The following AGBL4 variants were observed in gnomAD, a reference collection of about 807,000 sequenced individuals.
AGBL4 encodes cytosolic carboxypeptidase 6.
A neutral mutation model predicts 66.4 loss-of-function variants in AGBL4; 58 were observed. That is an observed-to-expected ratio of 0.87 (90% CI 0.71 to 1.09). The LOEUF (loss-of-function observed/expected upper bound fraction) is 1.09. AGBL4 is among the 50% of genes least tolerant of loss of function. AGBL4 has a pLI of 0.00. For missense variants in AGBL4, 579 were observed against 631.0 expected (o/e 0.92, Z 0.88); for synonymous variants, 234 against 222.9 (o/e 1.05, Z -0.44).
intron 1 of AGBL4, among the ~76,000 whole-genome samples, chr1:50,006,413 C>A (rs1239046883): frequency 6.6e-6 from 1 of 151,280 alleles, no homozygotes; most frequent in Non-Finnish European, 1.5e-5. Context: ...GAGGATTTCC[C>A]AAACTCAGAG....
chr1:48,614,093 G>T (rs1424690194), intron 9 of AGBL4, among the ~76,000 whole-genome samples: 2 of 152,170 alleles, frequency 1.3e-5, no homozygotes, highest in Non-Finnish European at 2.9e-5. Context: ...CTGATGAAAA[G>T]AAAACTGGTA....
Position 49,901,345 on chromosome 1 carries a change from T to C in AGBL4, c.35-49827A>G, listed in dbSNP as rs150800085. Reference sequence around the variant, plus strand: ...GTCTGATAAACAACTTCAGCAAAGTTTGAGAATGCAAAAACAATATACAAA... The same window carrying C: ...GTCTGATAAACAACTTCAGCAAAGTCTGAGAATGCAAAAACAATATACAAA... On this transcript the variant is annotated intron_variant, in intron 1 of 13. Transcript: ENST00000371839. 5.8e-4 allele frequency among the ~76,000 whole-genome samples: 88 copies of C among 152,264 alleles called. 1 individual carries two copies. The East Asian group carries it at 0.014, about 24-fold the overall frequency.
intron 9 of AGBL4, among the ~76,000 whole-genome samples, chr1:48,619,740 T>A (rs1420710345): frequency 6.6e-6 from 1 of 152,172 alleles, no homozygotes; most frequent in Non-Finnish European, 1.5e-5. Context: ...GCATAGGTGG[T>A]GCCAGGAGTT....
intron 3 of AGBL4, among the ~76,000 whole-genome samples, chr1:49,529,301 G>A (rs1050251644): frequency 6.6e-6 from 1 of 152,096 alleles, no homozygotes; most frequent in Non-Finnish European, 1.5e-5. Flanking sequence ...AATTTGAAAA[G>A]ACTATTTTAT....
In AGBL4 at chr1:49,923,966, G is replaced by C. The variant is rs559850012; in HGVS notation, c.35-72448C>G. ...ATTCAACCCAGCAATCCCATTACTAGAGTATATACCCAAACGAATATAAAT... is the reference window on the plus strand; with the variant it reads ...ATTCAACCCAGCAATCCCATTACTACAGTATATACCCAAACGAATATAAAT... On this transcript the variant is annotated intron_variant, in intron 1 of 13. Transcript: ENST00000371839. Among the ~76,000 whole-genome samples, 10 of 152,270 alleles carry C rather than the reference G, an allele frequency of 6.6e-5. No homozygotes were observed. The East Asian group carries it at 7.7e-4, about 12-fold the overall frequency.
chr1:49,836,708 G>A lies in AGBL4; in HGVS notation c.157+14688C>T, dbSNP rs377365917. On this transcript the variant is annotated intron_variant, in intron 2 of 13. Coordinates refer to ENST00000371839, the MANE Select transcript of AGBL4 (RefSeq NM_032785.4). The stretch of plus-strand genomic sequence containing the variant: ...TTTACACTGGTTTTTCCTCATCTTC[G>A]TGTATTTATATACCTTTGGTCTTTG... Among the ~76,000 whole-genome samples the A allele has an allele frequency of 3.9e-5, 6 of 152,210 alleles. No homozygotes were observed. In the East Asian group the frequency reaches 7.8e-4, roughly 20 times the overall value.
chr1:48,849,643 AC>A (rs1456477667), intron 6 of AGBL4, among the ~76,000 whole-genome samples: 1 of 152,144 alleles, frequency 6.6e-6, no homozygotes, highest in Non-Finnish European at 1.5e-5. Flanking sequence ...CATACTAGTC[AC>A]CCTTTTCTTG....
At chr1:49,212,167 T>C (rs1648723942) in intron 4 of AGBL4, among the ~76,000 whole-genome samples, 1 of 152,100 alleles carries the variant, frequency 6.6e-6, no homozygotes, top group Non-Finnish European at 1.5e-5. Flanking sequence ...GAGTCACAGA[T>C]ACAAACCAGC....
chr1:49,546,890 G>C (rs556339543), intron 3 of AGBL4, among the ~76,000 whole-genome samples: 1 of 152,150 alleles, frequency 6.6e-6, no homozygotes, highest in Non-Finnish European at 1.5e-5. Flanking sequence ...GTTAGTTGTA[G>C]ATTCTGGGTA....
chr1:49,672,468 T>A (rs1012476943), intron 3 of AGBL4, among the ~76,000 whole-genome samples: 5 of 151,458 alleles, frequency 3.3e-5, no homozygotes, highest in African/African-American at 1.2e-4. Context: ...GTAATAAACC[T>A]TCACATATAC....
chr1:48,564,287 C>A (rs1291024562), intron 11 of AGBL4, among the ~76,000 whole-genome samples: 1 of 152,162 alleles, frequency 6.6e-6, no homozygotes, highest in African/African-American at 2.4e-5. Context: ...CTGACTTAAA[C>A]CTTTTCAACA....
chr1:48,562,094 C>G (rs1449466012), intron 11 of AGBL4, among the ~76,000 whole-genome samples: 1 of 152,150 alleles, frequency 6.6e-6, no homozygotes, highest in Non-Finnish European at 1.5e-5. Flanking sequence ...ACTAATGCAA[C>G]CATATTGCAG....
chr1:49,002,029 T>G (rs1284808944), intron 5 of AGBL4, among the ~76,000 whole-genome samples: 1 of 152,264 alleles, frequency 6.6e-6, no homozygotes, highest in Admixed American at 6.5e-5. Context: ...CTTAGCCTAA[T>G]GTCTAGGACA....
chr1:49,803,022 T>C (rs1644899669), intron 2 of AGBL4, among the ~76,000 whole-genome samples: 1 of 151,690 alleles, frequency 6.6e-6, no homozygotes, highest in East Asian at 1.9e-4. Context: ...AATTTCATTA[T>C]ATTTAATGTA....
intron 6 of AGBL4, among the ~76,000 whole-genome samples, chr1:48,722,414 G>A (rs943797177): frequency 3.3e-5 from 5 of 152,162 alleles, no homozygotes; most frequent in Non-Finnish European, 5.9e-5. Context: ...AACTGGGGTC[G>A]AGTGGGGACT....
At chr1:48,651,382 C>T (rs1264250795) in intron 8 of AGBL4, among the ~76,000 whole-genome samples, 1 of 152,162 alleles carries the variant, frequency 6.6e-6, no homozygotes, top group African/African-American at 2.4e-5. Context: ...AGGTCACTGA[C>T]CTCCTTCAAG....
At chr1:48,874,818 A>C (rs1399770389) in intron 5 of AGBL4, among the ~76,000 whole-genome samples, 1 of 152,084 alleles carries the variant, frequency 6.6e-6, no homozygotes, top group East Asian at 1.9e-4. Context: ...CACTATCTCA[A>C]GGCCCTGAGC....
At chr1:49,566,583 G>C (rs1644210453) in intron 3 of AGBL4, among the ~76,000 whole-genome samples, 1 of 152,162 alleles carries the variant, frequency 6.6e-6, no homozygotes, top group Non-Finnish European at 1.5e-5. Context: ...TGTTTGCCTG[G>C]GTATCAGCAG....
chr1:49,707,542 G>C (rs1166338190), intron 2 of AGBL4, among the ~76,000 whole-genome samples: 1 of 151,872 alleles, frequency 6.6e-6, no homozygotes, highest in Non-Finnish European at 1.5e-5. Flanking sequence ...GGGGCATTTA[G>C]CCCATTTACA....
Sources: allele counts gnomAD v4.1 joint callset (sites outside exome capture counted in the v4.1 genomes callset), GRCh38; gene constraint gnomAD v4.1.1; transcripts MANE v1.5; gene names NCBI Gene and HGNC (gene_info 2026-07-23, HGNC 2026-07-21).